Variants in MAST4 observed in about 807,000 individuals in gnomAD.
MAST4 encodes microtubule-associated serine/threonine-protein kinase 4.
A neutral mutation model predicts 162.7 loss-of-function variants in MAST4; 89 were observed. The observed-to-expected ratio is 0.55, with a 90% CI of 0.46 to 0.65. The LOEUF is 0.65. Among genes scored for constraint, MAST4 ranks in the 30% least tolerant of loss-of-function variants. The pLI, the probability that MAST4 is intolerant of heterozygous loss-of-function variation, is 0.00. For synonymous variants in MAST4, 1,479 were observed against 1,361.1 expected (o/e 1.09, Z -1.91); for missense variants, 3,153 against 3,374.0 (o/e 0.93, Z 1.62).
chr5:66,743,929 G>A (rs962373704), intron 1 of MAST4, among the ~76,000 whole-genome samples: 2 of 152,126 alleles, frequency 1.3e-5, no homozygotes, highest in African/African-American at 4.8e-5. Flanking sequence ...CGAGTGGAAG[G>A]GGGAGAGGGC....
At chr5:67,148,887 A>ACAGG (rs1366793944) in intron 23 of MAST4, among the ~76,000 whole-genome samples, 3 of 152,228 alleles carry the variant, frequency 2.0e-5, no homozygotes, top group African/African-American at 7.2e-5. Flanking sequence ...ACGTAAGTCT[A>ACAGG]CAGGGAGTGA....
chr5:66,969,426 C>T (rs577191698), intron 4 of MAST4, among the ~76,000 whole-genome samples: 14 of 152,274 alleles, frequency 9.2e-5, no homozygotes, highest in Admixed American at 6.5e-4. Flanking sequence ...TCCCCTACCT[C>T]GCTGGCAATG....
At chr5:66,879,161 T>G (rs1761509507) in intron 3 of MAST4, among the ~76,000 whole-genome samples, 4 of 151,854 alleles carry the variant, frequency 2.6e-5, no homozygotes, top group Non-Finnish European at 2.9e-5. Flanking sequence ...TGCCTGTAGT[T>G]CCAGCTACTC....
Position 67,095,617 on chromosome 5 carries a change from C to G in MAST4, c.854C>G (p.Ser285Trp). The change falls in exon 7 of 29, where the codon TCG becomes TGG. Residue 285 changes from serine (S) to tryptophan (W), a missense_variant. Coordinates refer to ENST00000403625, the MANE Select transcript of MAST4 (RefSeq NM_001164664.2). ...FARRTDGRRW[S>W]LASLPSSGYG... Reference sequence around the variant, plus strand: ...AATAGGACTGATGGACGCCGCTGGTCGTTGGCTTCTCTCCCTTCCTCTGGC... The same window carrying G: ...AATAGGACTGATGGACGCCGCTGGTGGTTGGCTTCTCTCCCTTCCTCTGGC... 6.2e-7 allele frequency: 1 copy of G among 1,609,724 alleles called. No individual in the cohort carries two copies. Among genetic ancestry groups the G allele is most frequent in the Non-Finnish European group, 8.5e-7 (1 of 1,177,620 alleles).
At chr5:67,131,539 C>A (rs1358604986) in intron 15 of MAST4, among the ~76,000 whole-genome samples, 1 of 152,048 alleles carries the variant, frequency 6.6e-6, no homozygotes, top group African/African-American at 2.4e-5. Flanking sequence ...TTACCATGAT[C>A]CTAAAATTAT....
intron 4 of MAST4, among the ~76,000 whole-genome samples, chr5:67,018,167 T>G (rs1318104102): frequency 1.3e-5 from 2 of 152,194 alleles, no homozygotes; most frequent in Non-Finnish European, 2.9e-5. Context: ...TCAAGTGAAG[T>G]ACCAGAAAAA....
In MAST4 at chr5:67,037,249, G is replaced by A. The variant is rs115307115; in HGVS notation, c.675-17155G>A. ...TCTCCATAAAATAAAAAGAAGAAACGAGAAAGTTAGTGGCTAAGCAGAGAG... is the reference window on the plus strand; with the variant it reads ...TCTCCATAAAATAAAAAGAAGAAACAAGAAAGTTAGTGGCTAAGCAGAGAG... On this transcript the variant is annotated intron_variant, in intron 4 of 28. Coordinates refer to ENST00000403625, the MANE Select transcript of MAST4 (RefSeq NM_001164664.2). Among the ~76,000 whole-genome samples, 1,234 of 152,134 alleles carry A rather than the reference G, an allele frequency of 8.1e-3. 13 individuals carry two copies. The highest frequency in any genetic ancestry group is 0.028 in the African/African-American group (1,142 of 41,512).
chr5:67,108,319 C>T (rs906013569), intron 10 of MAST4, among the ~76,000 whole-genome samples: 1 of 152,124 alleles, frequency 6.6e-6, no homozygotes, highest in African/African-American at 2.4e-5. Context: ...GTTCAGTATC[C>T]TTCCCAAAGT....
chr5:66,725,152 G>A (rs73112464), intron 1 of MAST4, among the ~76,000 whole-genome samples: 8,229 of 151,842 alleles, frequency 0.054, 587 homozygotes, highest in African/African-American at 0.16. Flanking sequence ...AGGACAAAGT[G>A]ATACTGTATA....
chr5:67,165,248 A>C lies in MAST4; in HGVS notation c.6069A>C (p.Pro2023=). ...KNLLSVGRTH[P]DFYTQTQAME... The stretch of plus-strand genomic sequence containing the variant: ...TCCTCTCTGTGGGAAGGACCCACCC[A>C]GATTTCTATACACAGACCCAGGCCA... Residue 2023 remains proline, a synonymous_variant, in exon 29 of 29, where the codon CCA becomes CCC. Transcript: ENST00000403625. 6.2e-7 allele frequency: 1 copy of C among 1,613,074 alleles called. No individual in the cohort carries two copies. Among genetic ancestry groups the C allele is most frequent in the South Asian group, 1.1e-5 (1 of 91,020 alleles).
chr5:66,727,121 G>A (rs1751571566), intron 1 of MAST4, among the ~76,000 whole-genome samples: 1 of 152,062 alleles, frequency 6.6e-6, no homozygotes, highest in South Asian at 2.1e-4. Flanking sequence ...GCATGTAAGG[G>A]ATGAAGATGA....
chr5:66,981,347 T>C (rs1168297868), intron 4 of MAST4, among the ~76,000 whole-genome samples: 3 of 152,266 alleles, frequency 2.0e-5, no homozygotes, highest in Non-Finnish European at 4.4e-5. Flanking sequence ...ATTGTTCGTT[T>C]CTCTACTTTA....
At chr5:66,765,569 T>C (rs183048524) in intron 2 of MAST4, among the ~76,000 whole-genome samples, 1 of 152,336 alleles carries the variant, frequency 6.6e-6, no homozygotes, top group Admixed American at 6.5e-5. Context: ...TAATGTTACT[T>C]CAGGGGAGTA....
intron 4 of MAST4, among the ~76,000 whole-genome samples, chr5:67,050,484 C>A (rs910648164): frequency 1.3e-5 from 2 of 152,194 alleles, no homozygotes; most frequent in African/African-American, 4.8e-5. Flanking sequence ...ATCAGAACAT[C>A]TTTTCCCCTT....
Position 67,166,228 on chromosome 5 carries a change from A to G in MAST4, c.7049A>G (p.Asp2350Gly). The G allele has an allele frequency of 6.4e-7, 1 of 1,551,820 alleles. No homozygotes were observed. Among genetic ancestry groups the G allele is most frequent in the Non-Finnish European group, 8.7e-7 (1 of 1,147,360 alleles). ...KDCPTLCKQT[D>G]NRQTDKSPSQ... The stretch of plus-strand genomic sequence containing the variant: ...TGCCCCACCCTGTGCAAACAGACAG[A>G]CAACAGACAGACAGACAAAAGCCCG... Residue 2350 changes from aspartate (D) to glycine (G), a missense_variant, in exon 29 of 29, where the codon GAC becomes GGC. By Grantham distance (94) the Asp-to-Gly change is moderately conservative. Transcript: ENST00000403625.
At chr5:66,969,715 G>A (rs1377417543) in intron 4 of MAST4, among the ~76,000 whole-genome samples, 1 of 152,168 alleles carries the variant, frequency 6.6e-6, no homozygotes, top group Non-Finnish European at 1.5e-5. Context: ...CCAAACACAT[G>A]GCAGTATGTT....
chr5:66,835,359 C>G (rs531675183), intron 3 of MAST4, among the ~76,000 whole-genome samples: 3 of 152,228 alleles, frequency 2.0e-5, no homozygotes, highest in East Asian at 1.9e-4. Flanking sequence ...CTGTCCAGAC[C>G]TGAGTTTCAT....
chr5:67,025,976 T>C (rs898862178), intron 4 of MAST4, among the ~76,000 whole-genome samples: 5 of 152,176 alleles, frequency 3.3e-5, no homozygotes, highest in Non-Finnish European at 7.4e-5. Context: ...TGTATAAAGA[T>C]TGTGTACTGC....
intron 19 of MAST4, among the ~76,000 whole-genome samples, chr5:67,138,028 C>G (rs1260608955): frequency 2.0e-5 from 3 of 152,158 alleles, no homozygotes; most frequent in African/African-American, 7.2e-5. Flanking sequence ...GTTGAGTGGA[C>G]TTTTAACCTG....
Sources: allele counts gnomAD v4.1 joint callset (sites outside exome capture counted in the v4.1 genomes callset), GRCh38; gene constraint gnomAD v4.1.1; transcripts MANE v1.5; gene names NCBI Gene and HGNC (gene_info 2026-07-23, HGNC 2026-07-21).